CACNA2D3: variants seen among roughly 807,000 people sequenced by gnomAD.
CACNA2D3 encodes the protein voltage-dependent calcium channel subunit alpha-2/delta-3.
Under a neutral mutation model 160.6 loss-of-function variants are expected in CACNA2D3, and 60 were observed. That is an observed-to-expected ratio of 0.37 (90% CI 0.30 to 0.46). The LOEUF (loss-of-function observed/expected upper bound fraction) is 0.46. Among genes scored for constraint, CACNA2D3 ranks in the 20% least tolerant of loss-of-function variants. The pLI, the probability that CACNA2D3 is intolerant of heterozygous loss-of-function variation, is 1.00. For synonymous variants in CACNA2D3, 558 were observed against 492.9 expected (o/e 1.13, Z -1.75); for missense variants, 1,205 against 1,365.0 (o/e 0.88, Z 1.85).
At chr3:54,221,922 C>T (rs1701581368) in intron 2 of CACNA2D3, among the ~76,000 whole-genome samples, 1 of 151,742 alleles carries the variant, frequency 6.6e-6, no homozygotes, top group Admixed American at 6.6e-5. Flanking sequence ...AATCATAGTT[C>T]ACTGCAGCCT....
chr3:54,329,843 A>G (rs73081646), intron 3 of CACNA2D3, among the ~76,000 whole-genome samples: 12,852 of 152,288 alleles, frequency 0.084, 758 homozygotes, highest in South Asian at 0.13. Context: ...TTTTGAATGC[A>G]TATTTAGTCT....
At chr3:54,800,480 T>C (rs958192985) in intron 13 of CACNA2D3, among the ~76,000 whole-genome samples, 1 of 152,194 alleles carries the variant, frequency 6.6e-6, no homozygotes, top group Admixed American at 6.5e-5. Flanking sequence ...GCAATTTTAA[T>C]TGGAACCTTA....
chr3:54,926,776 T>A (rs1045363038), intron 27 of CACNA2D3, among the ~76,000 whole-genome samples: 5 of 152,230 alleles, frequency 3.3e-5, no homozygotes, highest in Admixed American at 3.3e-4. Context: ...ACGGTTGCAG[T>A]TTTTTTCTTC....
chr3:54,885,574 C>T lies in CACNA2D3; in HGVS notation c.2044C>T (p.Pro682Ser), dbSNP rs574910174. The T allele has an allele frequency of 1.4e-5, 23 of 1,612,234 alleles. No homozygotes were observed. The highest frequency in any genetic ancestry group is 1.7e-5 in the Non-Finnish European group (20 of 1,178,820). Residue 682 changes from proline (P) to serine (S), a missense_variant, in exon 23 of 38, where the codon CCT becomes TCT. This residue lies in a region of CACNA2D3 where 911 missense variants were observed against 1,002.2 expected (regional missense o/e 0.91). Transcript: ENST00000474759. ...TAAGCTCTACCTAAAAGGCAAAGAA[C>T]CTCTGCTCCAGTGTGAGTATGCTTT... ...AIKLYLKGKE[P>S]LLQCDKELIQ...
At chr3:54,183,258 CAG>C (rs938591395) in intron 2 of CACNA2D3, among the ~76,000 whole-genome samples, 43 of 143,590 alleles carry the variant, frequency 3.0e-4, no homozygotes, top group African/African-American at 1.1e-3. Context: ...GAAAGAAATG[CAG>C]AGAGACTTCA....
chr3:54,529,296 T>C (rs1701771517), intron 5 of CACNA2D3, among the ~76,000 whole-genome samples: 1 of 152,212 alleles, frequency 6.6e-6, no homozygotes, highest in African/African-American at 2.4e-5. Context: ...AACTTGTCAT[T>C]CTCTCTGTGC....
chr3:54,332,912 A>G (rs1297601248), intron 3 of CACNA2D3, among the ~76,000 whole-genome samples: 2 of 152,136 alleles, frequency 1.3e-5, no homozygotes, highest in African/African-American at 2.4e-5. Context: ...TTTATGTGCT[A>G]TTAGGGGAGA....
chr3:54,157,872 A>G (rs1700273978), intron 2 of CACNA2D3, among the ~76,000 whole-genome samples: 1 of 151,774 alleles, frequency 6.6e-6, no homozygotes, highest in Non-Finnish European at 1.5e-5. Flanking sequence ...GGGATAAATT[A>G]TCTGTGCAAA....
intron 27 of CACNA2D3, among the ~76,000 whole-genome samples, chr3:54,959,055 C>T (rs549357214): frequency 5.7e-4 from 87 of 152,090 alleles, no homozygotes; most frequent in African/African-American, 1.9e-3. Context: ...GAGCCATGAT[C>T]GCGCCACTGC....
chr3:54,808,716 A>G (rs370513221), intron 13 of CACNA2D3, among the ~76,000 whole-genome samples: 4 of 152,134 alleles, frequency 2.6e-5, no homozygotes, highest in African/African-American at 9.7e-5. Flanking sequence ...TTGTAGTAAT[A>G]ACACTATTAG....
chr3:54,630,272 C>T (rs1699206277), intron 10 of CACNA2D3, among the ~76,000 whole-genome samples: 2 of 152,110 alleles, frequency 1.3e-5, no homozygotes, highest in South Asian at 4.1e-4. Context: ...ACTACAAATG[C>T]TTTGGTTCTC....
At chr3:54,146,133 A>G (rs1700026283) in intron 2 of CACNA2D3, among the ~76,000 whole-genome samples, 1 of 152,006 alleles carries the variant, frequency 6.6e-6, no homozygotes, top group Non-Finnish European at 1.5e-5. Context: ...CTTCCCTGCT[A>G]TCCTCATTCC....
intron 3 of CACNA2D3, among the ~76,000 whole-genome samples, chr3:54,350,986 GTT>G (rs796392854): frequency 3.0e-5 from 2 of 65,922 alleles, no homozygotes; most frequent in East Asian, 3.8e-4. Flanking sequence ...TTTTTTGTTT[GTT>G]TTTTTTTTTT....
chr3:54,864,640 C>T (rs905423190), intron 17 of CACNA2D3, among the ~76,000 whole-genome samples: 1 of 152,196 alleles, frequency 6.6e-6, no homozygotes, highest in Admixed American at 6.5e-5. Flanking sequence ...CCAAATGAGT[C>T]AGCTGGTAAC....
At chr3:55,024,271 G>C (rs1559466752) in intron 35 of CACNA2D3, among the ~76,000 whole-genome samples, 1 of 151,194 alleles carries the variant, frequency 6.6e-6, no homozygotes, top group Admixed American at 6.6e-5. Flanking sequence ...ATCATGGCTT[G>C]TTATAGGAGT....
chr3:54,280,686 C>T (rs1009977704), intron 2 of CACNA2D3, among the ~76,000 whole-genome samples: 6 of 152,148 alleles, frequency 3.9e-5, no homozygotes, highest in African/African-American at 1.4e-4. Context: ...GCAATAACAA[C>T]CCTTCCCGAC....
intron 2 of CACNA2D3, among the ~76,000 whole-genome samples, chr3:54,269,113 G>T (rs1002403398): frequency 6.6e-6 from 1 of 152,134 alleles, no homozygotes; most frequent in East Asian, 1.9e-4. Flanking sequence ...GAAAACAGCA[G>T]TGATTGGAGC....
chr3:54,973,247 G>A (rs1255878011), intron 29 of CACNA2D3, among the ~76,000 whole-genome samples: 2 of 152,282 alleles, frequency 1.3e-5, no homozygotes, highest in Non-Finnish European at 2.9e-5. Context: ...AAGGGAGGAA[G>A]GAGGGCCACG....
chr3:54,769,221 G>C (rs1049225603), intron 13 of CACNA2D3, among the ~76,000 whole-genome samples: 2 of 152,018 alleles, frequency 1.3e-5, no homozygotes, highest in African/African-American at 4.8e-5. Flanking sequence ...GAAGATCAAG[G>C]GGGAGATGAG....
Sources: allele counts gnomAD v4.1 joint callset (sites outside exome capture counted in the v4.1 genomes callset), GRCh38; gene constraint gnomAD v4.1.1; regional missense constraint gnomAD v4.1.1; transcripts MANE v1.5; gene names NCBI Gene and HGNC (gene_info 2026-07-23, HGNC 2026-07-21).